Variants in ZDHHC15 observed in about 807,000 individuals in gnomAD.
ZDHHC15 encodes the protein zDHHC palmitoyltransferase 15.
In ZDHHC15, 19 loss-of-function variants were observed where a neutral mutation model predicts 31.7. The observed-to-expected ratio is 0.60, with a 90% CI of 0.42 to 0.88. The LOEUF (loss-of-function observed/expected upper bound fraction) is 0.88. Among genes scored for constraint, ZDHHC15 ranks in the 40% least tolerant of loss-of-function variants. The pLI is 0.00. For synonymous variants in ZDHHC15, 103 were observed against 90.0 expected (o/e 1.14, Z -0.82); for missense variants, 209 against 251.2 (o/e 0.83, Z 1.14).
intron 2 of ZDHHC15, among the ~76,000 whole-genome samples, chrX:75,479,240 A>T (rs2084653035): frequency 8.9e-6 from 1 of 112,188 alleles, no homozygotes; most frequent in African/African-American, 3.2e-5. Context: ...AATGTCCTTT[A>T]TGACAATGTA....
At chrX:75,438,431 T>C (rs1328114418) in intron 4 of ZDHHC15, among the ~76,000 whole-genome samples, 1 of 90,333 alleles carries the variant, frequency 1.1e-5, no homozygotes, top group East Asian at 3.9e-4. Flanking sequence ...CTTTGTCTTT[T>C]TAAACTGTTG....
chrX:75,460,850 G>A lies in ZDHHC15; in HGVS notation c.259-9928C>T, dbSNP rs1313751130. On this transcript the variant is annotated intron_variant, in intron 3 of 11. Transcript: ENST00000373367. ...ATATGAGAAATAATCAACACAAAAAGGCTGAAAACAAAACGCCAGAGTGTC... is the reference window on the plus strand; with the variant it reads ...ATATGAGAAATAATCAACACAAAAAAGCTGAAAACAAAACGCCAGAGTGTC... Among the ~76,000 whole-genome samples, 4 of 111,979 alleles carry A rather than the reference G, an allele frequency of 3.6e-5. No homozygotes were observed. The Admixed American group carries it at 3.8e-4, about 11-fold the overall frequency.
intron 2 of ZDHHC15, among the ~76,000 whole-genome samples, chrX:75,503,141 T>C (rs187609484): frequency 9.1e-6 from 1 of 109,809 alleles, no homozygotes; most frequent in Non-Finnish European, 1.9e-5. Flanking sequence ...CCAAAAAAAT[T>C]AAAAAATAAA....
chrX:75,393,982 A>C (rs899928178), intron 10 of ZDHHC15, among the ~76,000 whole-genome samples: 3 of 110,816 alleles, frequency 2.7e-5, no homozygotes, highest in African/African-American at 9.9e-5. Context: ...CTTATATTCT[A>C]GCTGTGCTGG....
chrX:75,432,618 A>G (rs1398820973), intron 4 of ZDHHC15, among the ~76,000 whole-genome samples: 5 of 111,452 alleles, frequency 4.5e-5, no homozygotes, highest in Non-Finnish European at 9.4e-5. Context: ...TGTGTAATTT[A>G]TCACTCTGCT....
rs1172357698 is a variant in ZDHHC15 at position 75,444,687 on chromosome X, T to TACACACACAC, written c.379+6105_379+6114dup. Among the ~76,000 whole-genome samples, 25 of 29,497 alleles carry TACACACACAC rather than the reference T, an allele frequency of 8.5e-4. 1 individual carries two copies. Among genetic ancestry groups the TACACACACAC allele is most frequent in the South Asian group, 3.4e-3 (1 of 297 alleles). 25.6% of individuals were successfully genotyped at this position (29,497 alleles called of 115,157 possible). On this transcript the variant is annotated intron_variant, in intron 4 of 11. Coordinates refer to ENST00000373367, the MANE Select transcript of ZDHHC15 (RefSeq NM_144969.3). ...ATATATATATATATATATATATATATACACACACACACACACACACACACA... is the reference window on the plus strand; with the variant it reads ...ATATATATATATATATATATATATATACACACACACACACACACACACACACACACACACA...
At chrX:75,393,039 T>A in intron 10 of ZDHHC15, among the ~76,000 whole-genome samples, 2 of 110,438 alleles carry the variant, frequency 1.8e-5, no homozygotes, top group Middle Eastern at 4.7e-3. Context: ...CCATTGACCA[T>A]AATCACAGGG....
chrX:75,389,324 G>T (rs997773164), intron 10 of ZDHHC15, among the ~76,000 whole-genome samples: 1 of 110,623 alleles, frequency 9.0e-6, no homozygotes, highest in African/African-American at 3.3e-5. Context: ...TGCTTTGCTG[G>T]GCTCGAAGCC....
chrX:75,492,149 C>G (rs1164700887), intron 2 of ZDHHC15, among the ~76,000 whole-genome samples: 5 of 109,681 alleles, frequency 4.6e-5, no homozygotes, highest in South Asian at 3.9e-4. Flanking sequence ...ATCCTAGGCT[C>G]TAATAAAACC....
intron 4 of ZDHHC15, among the ~76,000 whole-genome samples, chrX:75,448,564 T>C (rs2084065339): frequency 8.9e-6 from 1 of 112,187 alleles, no homozygotes; most frequent in Admixed American, 9.5e-5. Flanking sequence ...TATCATAGTA[T>C]TTAGTTTTTA....
chrX:75,421,871 C>A lies in ZDHHC15; in HGVS notation c.856G>T (p.Gly286Cys), dbSNP rs1307580286. The change falls in exon 9 of 12, where the codon GGT (glycine) becomes TGT (cysteine). Residue 286 changes from glycine (G) to cysteine (C), a missense_variant. Coordinates refer to ENST00000373367, the MANE Select transcript of ZDHHC15 (RefSeq NM_144969.3). ...DKKKFWLIPI[G>C]SSPGDGHSFP... ...GTGGTAATATTTACTCACCTGGAACCAATAGGTATTAACCAGAACTTCTTC... is the reference window on the plus strand; with the variant it reads ...GTGGTAATATTTACTCACCTGGAACAAATAGGTATTAACCAGAACTTCTTC... 8.3e-7 allele frequency: 1 copy of A among 1,208,963 alleles called. No individual in the cohort carries two copies. Among genetic ancestry groups the A allele is most frequent in the South Asian group, 1.8e-5 (1 of 56,684 alleles).
At chrX:75,493,068 C>A (rs770488434) in intron 2 of ZDHHC15, among the ~76,000 whole-genome samples, 1 of 111,597 alleles carries the variant, frequency 9.0e-6, no homozygotes, top group Non-Finnish European at 1.9e-5. Context: ...AGAGCAGAAT[C>A]AAATAGATAC....
chrX:75,450,358 A>T (rs757106791), intron 4 of ZDHHC15, among the ~76,000 whole-genome samples: 116 of 111,883 alleles, frequency 1.0e-3, no homozygotes, highest in African/African-American at 3.6e-3. Context: ...TTAGTTACAC[A>T]GATGTGTACA....
intron 3 of ZDHHC15, among the ~76,000 whole-genome samples, chrX:75,453,563 A>G (rs2147917141): frequency 9.0e-6 from 1 of 111,384 alleles, no homozygotes; most frequent in East Asian, 2.8e-4. Flanking sequence ...CTAACACCAA[A>G]GGCTGGCAGT....
chrX:75,459,009 A>AC (rs1305895727), intron 3 of ZDHHC15, among the ~76,000 whole-genome samples: 1 of 96,442 alleles, frequency 1.0e-5, no homozygotes, highest in Non-Finnish European at 2.2e-5. Flanking sequence ...AAAAAAAAAA[A>AC]AACAACCCCC....
chrX:75,429,292 C>G (rs1399918396), intron 6 of ZDHHC15, 94 bp from the exon 7 acceptor site: 48 of 1,026,180 alleles, frequency 4.7e-5, no homozygotes, highest in Non-Finnish European at 6.1e-5. Flanking sequence ...AATGCTAGTT[C>G]TGCTGCTTCA....
intron 2 of ZDHHC15, among the ~76,000 whole-genome samples, chrX:75,497,166 G>A (rs878971713): frequency 9.0e-6 from 1 of 111,310 alleles, no homozygotes; most frequent in Non-Finnish European, 1.9e-5. Flanking sequence ...ACAACTGATA[G>A]CACAGAAATA....
intron 1 of ZDHHC15, among the ~76,000 whole-genome samples, chrX:75,509,401 T>A (rs1369825785): frequency 8.9e-6 from 1 of 112,133 alleles, no homozygotes; most frequent in Non-Finnish European, 1.9e-5. Flanking sequence ...AACATCTGAA[T>A]CCAGATGACA....
At chrX:75,433,695 GTGTATA>G (rs1409307882) in intron 4 of ZDHHC15, among the ~76,000 whole-genome samples, 32 of 5,107 alleles carry the variant, frequency 6.3e-3, no homozygotes, top group African/African-American at 7.5e-3. Context: ...GTGTGTGTGT[GTGTATA>G]TATATATATA....
Sources: allele counts gnomAD v4.1 joint callset (sites outside exome capture counted in the v4.1 genomes callset), GRCh38; gene constraint gnomAD v4.1.1; transcripts MANE v1.5; gene names NCBI Gene and HGNC (gene_info 2026-07-23, HGNC 2026-07-21).